The following SCHIP1 variants were observed in gnomAD, a reference collection of about 807,000 sequenced individuals.
The protein encoded by SCHIP1 is schwannomin-interacting protein 1.
A neutral mutation model predicts 29.7 loss-of-function variants in SCHIP1; 8 were observed. That is an observed-to-expected ratio of 0.27 (90% CI 0.16 to 0.49). The LOEUF (loss-of-function observed/expected upper bound fraction) is 0.49. Among genes scored for constraint, SCHIP1 ranks in the 20% least tolerant of loss-of-function variants. SCHIP1 has a pLI of 0.99. For synonymous variants in SCHIP1, 76 were observed against 94.9 expected, an observed-to-expected ratio of 0.80 and a Z score of 1.16; for missense variants, 193 against 294.6, an observed-to-expected ratio of 0.66 and a Z score of 2.52.
At chr3:159,536,747 C>T in the SCHIP1 span, among the ~76,000 whole-genome samples, 1 of 152,062 alleles carries the variant, frequency 6.6e-6, no homozygotes. Flanking sequence ...GGTGCCAGCC[C>T]CTACTGGCTC....
intron 1 of SCHIP1, among the ~76,000 whole-genome samples, chr3:159,843,846 A>AAAG (rs150055870): frequency 4.1e-4 from 58 of 140,080 alleles, no homozygotes; most frequent in East Asian, 8.8e-4. Flanking sequence ...AAAAAAAAAA[A>AAAG]GCATTGTAAA....
the SCHIP1 span, among the ~76,000 whole-genome samples, chr3:159,680,680 AAT>A: frequency 2.3e-4 from 16 of 70,664 alleles, no homozygotes; most frequent in African/African-American, 1.3e-3. Context: ...TTATATATAT[AAT>A]ATATGTATAT....
the SCHIP1 span, among the ~76,000 whole-genome samples, chr3:159,362,062 C>T: frequency 6.6e-6 from 1 of 152,126 alleles, no homozygotes; most frequent in Non-Finnish European, 1.5e-5. Flanking sequence ...GATCATCTAT[C>T]ATGTTACTGT....
chr3:159,339,141 A>C, the SCHIP1 span, among the ~76,000 whole-genome samples: 1 of 152,082 alleles, frequency 6.6e-6, no homozygotes, highest in African/African-American at 2.4e-5. Flanking sequence ...TGTTTTGTGC[A>C]TGGCTATTCC....
chr3:159,426,986 G>A, the SCHIP1 span, among the ~76,000 whole-genome samples: 1 of 152,098 alleles, frequency 6.6e-6, no homozygotes, highest in Non-Finnish European at 1.5e-5. Flanking sequence ...ATTCAACAAT[G>A]CTTCATGCTA....
chr3:159,679,967 C>A, the SCHIP1 span, among the ~76,000 whole-genome samples: 1 of 152,102 alleles, frequency 6.6e-6, no homozygotes, highest in Non-Finnish European at 1.5e-5. Context: ...ATATTTCTCT[C>A]AAATGCTGCC....
chr3:159,362,562 C>T, the SCHIP1 span, among the ~76,000 whole-genome samples: 1 of 152,298 alleles, frequency 6.6e-6, no homozygotes, highest in Admixed American at 6.5e-5. Flanking sequence ...AAACCAACCT[C>T]ATTGTTCAGT....
chr3:159,868,209 G>A (rs968889477), intron 2 of SCHIP1, among the ~76,000 whole-genome samples: 1 of 151,424 alleles, frequency 6.6e-6, no homozygotes, highest in African/African-American at 2.4e-5. Context: ...GTGTGTGTGT[G>A]TGTATATGTA....
the SCHIP1 span, among the ~76,000 whole-genome samples, chr3:159,755,201 C>T: frequency 6.6e-6 from 1 of 152,068 alleles, no homozygotes; most frequent in Non-Finnish European, 1.5e-5. Context: ...CGCCACTGGA[C>T]TCCAGCCTGG....
chr3:159,290,176 C>T, the SCHIP1 span, among the ~76,000 whole-genome samples: 1 of 152,052 alleles, frequency 6.6e-6, no homozygotes, highest in Non-Finnish European at 1.5e-5. Context: ...CATTATGCGG[C>T]TATAAGAGGG....
At chr3:159,668,512 G>T in the SCHIP1 span, among the ~76,000 whole-genome samples, 1 of 151,646 alleles carries the variant, frequency 6.6e-6, no homozygotes, top group Non-Finnish European at 1.5e-5. Context: ...TTAAAAAATA[G>T]AAAAAGGAAA....
chr3:159,324,513 GAAAT>G, the SCHIP1 span, among the ~76,000 whole-genome samples: 1 of 151,888 alleles, frequency 6.6e-6, no homozygotes, highest in Non-Finnish European at 1.5e-5. Flanking sequence ...TCTTCTTTGT[GAAAT>G]ATTTATTCAT....
the SCHIP1 span, among the ~76,000 whole-genome samples, chr3:159,567,201 CT>C: frequency 3.3e-5 from 5 of 151,942 alleles, no homozygotes; most frequent in African/African-American, 9.7e-5. Flanking sequence ...TACATTGTTT[CT>C]TTTTTTCCTG....
chr3:159,289,129 A>G, the SCHIP1 span, among the ~76,000 whole-genome samples: 1 of 152,200 alleles, frequency 6.6e-6, no homozygotes, highest in Non-Finnish European at 1.5e-5. Context: ...ACCCTGGCCT[A>G]AGCCACCGTC....
the SCHIP1 span, among the ~76,000 whole-genome samples, chr3:159,570,939 CTCTG>C: frequency 4.3e-4 from 66 of 151,978 alleles, 1 homozygote; most frequent in East Asian, 9.9e-3. Context: ...TGATTTGGCT[CTCTG>C]TCTGTTAATG....
chr3:159,292,616 C>G, the SCHIP1 span, among the ~76,000 whole-genome samples: 1 of 152,108 alleles, frequency 6.6e-6, no homozygotes, highest in Admixed American at 6.6e-5. Context: ...GGTAGTACAT[C>G]CCTCATAAGA....
the SCHIP1 span, among the ~76,000 whole-genome samples, chr3:159,663,780 A>C: frequency 6.6e-6 from 1 of 152,170 alleles, no homozygotes; most frequent in African/African-American, 2.4e-5. Flanking sequence ...GGACAGAAAA[A>C]TTAAAGCTAA....
the SCHIP1 span, among the ~76,000 whole-genome samples, chr3:159,720,961 T>C: frequency 3.3e-5 from 5 of 152,244 alleles, no homozygotes; most frequent in African/African-American, 1.2e-4. Context: ...ATTTAATAAT[T>C]AAATTCTAAA....
At chr3:159,286,732 C>T in the SCHIP1 span, among the ~76,000 whole-genome samples, 2 of 152,138 alleles carry the variant, frequency 1.3e-5, no homozygotes, top group South Asian at 2.1e-4. Context: ...CTTACCAGCA[C>T]CTGTTATTTT....
Sources: gnomAD v4.1 joint callset for allele counts (sites outside exome capture counted in the v4.1 genomes callset) on GRCh38, gnomAD v4.1.1 for gene constraint, MANE v1.5 for transcripts, NCBI Gene and HGNC (gene_info 2026-07-23, HGNC 2026-07-21) for gene names.